RASA1: variants seen among roughly 807,000 people sequenced by gnomAD.
RASA1 encodes RAS p21 protein activator 1, also known as ras GTPase-activating protein 1.
Under a neutral mutation model 132.2 loss-of-function variants are expected in RASA1, and 25 were observed. The ratio of observed to expected loss-of-function variants is 0.19; its 90% CI spans 0.14 to 0.26. RASA1 has a LOEUF of 0.26. Among genes scored for constraint, RASA1 ranks in the 10% least tolerant of loss-of-function variants. The probability of loss-of-function intolerance (pLI) is 1.00; values close to 1 mark genes in which losing one functional copy is unlikely to be tolerated. For missense variants in RASA1, 964 were observed against 1,299.2 expected, an observed-to-expected ratio of 0.74 and a Z score of 3.97; for synonymous variants, 477 against 449.9, an observed-to-expected ratio of 1.06 and a Z score of -0.76.
chr5:87,318,180 C>G (rs1756491674), intron 1 of RASA1, among the ~76,000 whole-genome samples: 1 of 152,048 alleles, frequency 6.6e-6, no homozygotes, highest in Admixed American at 6.6e-5. Flanking sequence ...ATTATAACCC[C>G]CACAAATATT....
Position 87,338,536 on chromosome 5 carries a change from A to ATATATATATATATTTT in RASA1, c.1017+446_1017+447insATATATATATATTTTT. Among the ~76,000 whole-genome samples the ATATATATATATATTTT allele has an allele frequency of 8.1e-4, 69 of 85,194 alleles. 1 individual carries two copies. Among genetic ancestry groups the ATATATATATATATTTT allele is most frequent in the East Asian group, 2.0e-3 (4 of 2,028 alleles). The allele number at this position is 85,194 out of a possible 152,430, so 55.9% of individuals were successfully genotyped here. ...ATATATATATATATATATATATAAA[A>ATATATATATATATTTT]TTTTTTTTTTTTTTAAGTAGAAATG... On this transcript the variant is annotated intron_variant, in intron 5 of 24. Coordinates refer to ENST00000274376, the MANE Select transcript of RASA1 (RefSeq NM_002890.3).
intron 19 of RASA1, 112 bp downstream of exon 19, chr5:87,379,962 A>T: frequency 6.3e-6 from 7 of 1,110,014 alleles, no homozygotes; most frequent in Non-Finnish European, 9.2e-6. Context: ...ATACTCTGAA[A>T]AAGTCATGGT....
intron 4 of RASA1, among the ~76,000 whole-genome samples, chr5:87,336,825 C>T (rs140444959): frequency 1.9e-3 from 288 of 152,024 alleles, no homozygotes; most frequent in African/African-American, 6.6e-3. Context: ...TGCCATTCAG[C>T]TAGTGAAATA....
intron 9 of RASA1, among the ~76,000 whole-genome samples, chr5:87,357,760 A>T (rs574131872): frequency 1.3e-5 from 2 of 152,334 alleles, no homozygotes; most frequent in Admixed American, 1.3e-4. Flanking sequence ...AGTATGTGTT[A>T]TAAGACTGCT....
chr5:87,374,178 T>G lies in RASA1; in HGVS notation c.1792T>G (p.Leu598Val). The change falls in exon 14 of 25, where the codon TTA (leucine) becomes GTA (valine). Residue 598 changes from leucine to valine, a missense_variant. Physicochemically the swap from Leu to Val is conservative, Grantham distance 32. Transcript: ENST00000274376. The stretch of plus-strand genomic sequence containing the variant: ...TTTTTTTTAGGTCAGCAGCCTTGTT[T>G]TACATATTGAAGAAGCCCATAAACT... ...KRLRQVSSLV[L>V]HIEEAHKLPV... is the part of the protein sequence containing the mutation. The G allele has an allele frequency of 6.5e-7, 1 of 1,541,712 alleles. No homozygotes were observed. The highest frequency in any genetic ancestry group is 8.8e-7 in the Non-Finnish European group (1 of 1,139,912).
chr5:87,283,135 GT>G (rs150142048), intron 1 of RASA1, among the ~76,000 whole-genome samples: 60 of 99,866 alleles, frequency 6.0e-4, no homozygotes, highest in African/African-American at 1.8e-3. Flanking sequence ...AGTAAGTTTT[GT>G]TTTTTTTTTG....
chr5:87,315,006 T>C (rs1235882227), intron 1 of RASA1, among the ~76,000 whole-genome samples: 3 of 152,222 alleles, frequency 2.0e-5, no homozygotes, highest in African/African-American at 4.8e-5. Context: ...GAGGGCATTA[T>C]ATTTGGGAGC....
rs779770765 is a variant in RASA1 at position 87,268,630 on chromosome 5, C to T, written c.179C>T (p.Thr60Ile). 1.4e-5 allele frequency: 22 copies of T among 1,611,350 alleles called. No homozygotes were observed. In the South Asian group the frequency reaches 1.7e-4, roughly 12 times the overall value. The change falls in exon 1 of 25, where the codon ACT becomes ATT. Residue 60 changes from threonine to isoleucine, a missense_variant. By Grantham distance (89) the Thr-to-Ile change is moderately conservative. Transcript: ENST00000274376. ...PGLVETGVAG[T>I]LGGGAALGSE... ...CTGGTGGAGACCGGAGTGGCTGGAACTCTGGGTGGCGGAGCCGCTTTGGGG... is the reference window on the plus strand; with the variant it reads ...CTGGTGGAGACCGGAGTGGCTGGAATTCTGGGTGGCGGAGCCGCTTTGGGG...
At chr5:87,272,259 G>C (rs1196944388) in intron 1 of RASA1, among the ~76,000 whole-genome samples, 2 of 151,994 alleles carry the variant, frequency 1.3e-5, no homozygotes, top group African/African-American at 4.8e-5. Flanking sequence ...GTATGACTAT[G>C]TATATGAAAC....
At chr5:87,305,808 T>A (rs945234517) in intron 1 of RASA1, among the ~76,000 whole-genome samples, 4 of 152,106 alleles carry the variant, frequency 2.6e-5, no homozygotes, top group Non-Finnish European at 4.4e-5. Flanking sequence ...TCCATTAAAA[T>A]GTGGGCAAAG....
intron 1 of RASA1, among the ~76,000 whole-genome samples, chr5:87,319,579 C>T (rs1422444377): frequency 6.6e-6 from 1 of 152,158 alleles, no homozygotes; most frequent in African/African-American, 2.4e-5. Flanking sequence ...GCCACAGCCA[C>T]AGCTGGAGCT....
chr5:87,321,058 G>A (rs888014269), intron 1 of RASA1, among the ~76,000 whole-genome samples: 1 of 152,124 alleles, frequency 6.6e-6, no homozygotes, highest in African/African-American at 2.4e-5. Flanking sequence ...GAGCCTATTA[G>A]GGAGATAAAT....
chr5:87,358,498 G>A (rs1050926981), intron 9 of RASA1, among the ~76,000 whole-genome samples: 2 of 151,866 alleles, frequency 1.3e-5, no homozygotes, highest in African/African-American at 4.8e-5. Context: ...AGATCATACT[G>A]ACTCTGTCTT....
chr5:87,282,826 C>T (rs951014443), intron 1 of RASA1, among the ~76,000 whole-genome samples: 1 of 151,982 alleles, frequency 6.6e-6, no homozygotes, highest in African/African-American at 2.4e-5. Context: ...TGCTATTGAG[C>T]CCATTAAGTT....
intron 1 of RASA1, among the ~76,000 whole-genome samples, chr5:87,311,079 G>A (rs769282161): frequency 3.9e-5 from 6 of 152,232 alleles, no homozygotes; most frequent in African/African-American, 9.6e-5. Context: ...ATATTCTGAC[G>A]TGCAATGTCT....
chr5:87,330,186 T>C (rs1370445228), intron 1 of RASA1, among the ~76,000 whole-genome samples: 3 of 152,148 alleles, frequency 2.0e-5, no homozygotes, highest in Non-Finnish European at 4.4e-5. Context: ...AGTAATTCTT[T>C]CCATAAGTTT....
chr5:87,346,828 A>T (rs1758898705), intron 7 of RASA1, 104 bp downstream of exon 7: 1 of 821,162 alleles, frequency 1.2e-6, no homozygotes, highest in African/African-American at 1.7e-5. Flanking sequence ...GTTAGTGTTT[A>T]TGCATGTTAT....
intron 23 of RASA1, among the ~76,000 whole-genome samples, chr5:87,387,197 C>T (rs756634912): frequency 1.3e-5 from 2 of 152,122 alleles, no homozygotes; most frequent in Non-Finnish European, 1.5e-5. Flanking sequence ...GCTATCACAT[C>T]TGACTGCCAT....
chr5:87,304,148 T>C (rs1561267379), intron 1 of RASA1, among the ~76,000 whole-genome samples: 1 of 152,332 alleles, frequency 6.6e-6, no homozygotes, highest in East Asian at 1.9e-4. Context: ...ACTTCTTGTC[T>C]TAAAATCTAG....
Sources: gnomAD v4.1 joint callset for allele counts (sites outside exome capture counted in the v4.1 genomes callset) on GRCh38, gnomAD v4.1.1 for gene constraint, MANE v1.5 for transcripts, NCBI Gene and HGNC (gene_info 2026-07-23, HGNC 2026-07-21) for gene names.